The following PARD3B variants were observed in gnomAD, a reference collection of about 807,000 sequenced individuals.
PARD3B encodes the protein partitioning defective 3 homolog B.
Under a neutral mutation model 130.2 loss-of-function variants are expected in PARD3B, and 103 were observed. The observed-to-expected ratio is 0.79, with a 90% CI of 0.67 to 0.93. The LOEUF (loss-of-function observed/expected upper bound fraction) is 0.93. Ranked by LOEUF, PARD3B falls within the 40% of genes least tolerant of loss-of-function variation. PARD3B has a pLI of 0.00. For synonymous variants in PARD3B, 583 were observed against 553.2 expected (o/e 1.05, Z -0.76); for missense variants, 1,609 against 1,499.2 (o/e 1.07, Z -1.21).
Position 205,617,924 on chromosome 2 carries a change from T to C in PARD3B, c.*2111T>C, listed in dbSNP as rs2055486477. 6.6e-6 allele frequency: 1 copy of C among 152,218 alleles called. No individual in the cohort carries two copies. Among genetic ancestry groups the C allele is most frequent in the Non-Finnish European group, 1.5e-5 (1 of 68,036 alleles). 9.4% of individuals were successfully genotyped at this position (152,218 alleles called of 1,614,324 possible). A position where few individuals can be genotyped will look rare whatever the true frequency, so the allele number is the denominator to read the frequency against. ...CATAGCCAAGCCAGAACATTCCTTCTGGATTAAGCCTAGGCCACTTGAGGG... is the reference window on the plus strand; with the variant it reads ...CATAGCCAAGCCAGAACATTCCTTCCGGATTAAGCCTAGGCCACTTGAGGG... On this transcript the variant is annotated 3_prime_UTR_variant, in exon 23 of 23. Coordinates refer to ENST00000406610, the MANE Select transcript of PARD3B (RefSeq NM_001302769.2).
chr2:204,965,471 C>A (rs1447936704), intron 3 of PARD3B, 148 bp downstream of exon 3: 2 of 886,934 alleles, frequency 2.3e-6, no homozygotes, highest in Admixed American at 3.1e-5. Flanking sequence ...TTACATAGCT[C>A]TTTGCAGCCA....
At chr2:205,261,647 T>C (rs2040316406) in intron 16 of PARD3B, among the ~76,000 whole-genome samples, 2 of 152,164 alleles carry the variant, frequency 1.3e-5, no homozygotes, top group South Asian at 4.1e-4. Flanking sequence ...AGAAACCACA[T>C]AATAAAAAGT....
intron 21 of PARD3B, among the ~76,000 whole-genome samples, chr2:205,537,630 A>G (rs1017170454): frequency 2.6e-5 from 4 of 152,118 alleles, no homozygotes; most frequent in African/African-American, 7.2e-5. Flanking sequence ...CGATAGCAAA[A>G]TGGCTGAGGT....
chr2:204,981,194 T>C (rs1575471930), intron 3 of PARD3B, among the ~76,000 whole-genome samples: 1 of 152,146 alleles, frequency 6.6e-6, no homozygotes, highest in African/African-American at 2.4e-5. Flanking sequence ...ACATGTCCTA[T>C]GACTCTGCCA....
chr2:205,503,351 G>A (rs575237441), intron 21 of PARD3B, among the ~76,000 whole-genome samples: 1 of 151,970 alleles, frequency 6.6e-6, no homozygotes, highest in Non-Finnish European at 1.5e-5. Context: ...GAAAACTATA[G>A]AGACATTTTG....
At chr2:205,528,161 AGCCTCT>A (rs1323160997) in intron 21 of PARD3B, among the ~76,000 whole-genome samples, 1 of 152,168 alleles carries the variant, frequency 6.6e-6, no homozygotes, top group Admixed American at 6.5e-5. Context: ...CAGTCACAGT[AGCCTCT>A]CATGAAGCCT....
At position 205,158,814 on chromosome 2, in the gene PARD3B, C is replaced by T. The variant is rs200533572; in HGVS notation, c.1527C>T (p.Leu509=). The T allele has an allele frequency of 2.2e-5, 35 of 1,614,012 alleles. No individual in the cohort carries two copies. The highest frequency in any genetic ancestry group is 1.3e-4 in the East Asian group (6 of 44,894). The change falls in exon 11 of 23, where the codon CTC becomes CTT. Residue 509 remains leucine (L), a synonymous_variant. Coordinates refer to ENST00000406610, the MANE Select transcript of PARD3B (RefSeq NM_001302769.2). This position sits in a 1 kb window ranked among gnomAD's most constrained non-coding sequence, Gnocchi z 5.4. The part of the protein sequence containing the change: ...IPLNDSGSAG[L]GVSLKGNKSR... ...TGAATGATTCAGGTTCTGCTGGCCT[C>T]GGGGTGAGCTTAAAAGGGAACAAAT...
Position 204,866,461 on chromosome 2 carries a change from A to G in PARD3B, c.223-98691A>G, listed in dbSNP as rs539804150. Among the ~76,000 whole-genome samples, 7 of 152,286 alleles carry G rather than the reference A, an allele frequency of 4.6e-5. No individual in the cohort carries two copies. In the South Asian group the frequency reaches 1.5e-3, roughly 32 times the overall value. On this transcript the variant is annotated intron_variant, in intron 2 of 22. Transcript: ENST00000406610. ...GCCATGTTTACATACACAAACAAGT[A>G]TATTTATCCATACATATCTGGGTAA...
intron 21 of PARD3B, among the ~76,000 whole-genome samples, chr2:205,538,303 G>T (rs1166733058): frequency 6.6e-6 from 1 of 152,188 alleles, no homozygotes; most frequent in Non-Finnish European, 1.5e-5. Flanking sequence ...AGAGGAAAAA[G>T]CTTGAACCAA....
intron 21 of PARD3B, among the ~76,000 whole-genome samples, chr2:205,522,554 T>C (rs2051124196): frequency 6.7e-6 from 1 of 150,334 alleles, no homozygotes; most frequent in Non-Finnish European, 1.5e-5. Flanking sequence ...AAATATGTAT[T>C]CTCTAATAAA....
intron 18 of PARD3B, among the ~76,000 whole-genome samples, chr2:205,382,704 C>T (rs2045495474): frequency 6.6e-6 from 1 of 151,966 alleles, no homozygotes; most frequent in South Asian, 2.1e-4. Flanking sequence ...TACTTTCTCC[C>T]ACCACTAATG....
intron 18 of PARD3B, among the ~76,000 whole-genome samples, chr2:205,361,258 T>C (rs916756351): frequency 6.6e-6 from 1 of 152,176 alleles, no homozygotes; most frequent in Non-Finnish European, 1.5e-5. Flanking sequence ...TGGAAAGCCA[T>C]TTATTTTAGG....
intron 2 of PARD3B, among the ~76,000 whole-genome samples, chr2:204,821,731 A>C (rs2043365942): frequency 6.6e-6 from 1 of 152,034 alleles, no homozygotes; most frequent in Admixed American, 6.6e-5. Context: ...AAATAAAAAA[A>C]ATAGAAATGG....
intron 1 of PARD3B, among the ~76,000 whole-genome samples, chr2:204,602,253 A>T (rs1437582349): frequency 6.6e-6 from 1 of 152,034 alleles, no homozygotes; most frequent in African/African-American, 2.4e-5. Context: ...CAAGTATCAG[A>T]TGTTTCATTG....
intron 20 of PARD3B, among the ~76,000 whole-genome samples, chr2:205,467,803 G>A (rs1423766775): frequency 1.3e-5 from 2 of 152,160 alleles, no homozygotes; most frequent in Non-Finnish European, 2.9e-5. Context: ...CCATTTCATG[G>A]TAGTTCCTGA....
chr2:205,472,634 C>T (rs943278508), intron 20 of PARD3B, among the ~76,000 whole-genome samples: 21 of 152,160 alleles, frequency 1.4e-4, no homozygotes, highest in African/African-American at 5.1e-4. Flanking sequence ...ATTCTTAAAA[C>T]TCACTTTATG....
intron 1 of PARD3B, among the ~76,000 whole-genome samples, chr2:204,660,371 G>A (rs1169001982): frequency 6.6e-6 from 1 of 152,010 alleles, no homozygotes; most frequent in African/African-American, 2.4e-5. Flanking sequence ...TTGTCCTCCC[G>A]ACTCCAGCCC....
chr2:205,036,995 C>T (rs894609211), intron 3 of PARD3B, among the ~76,000 whole-genome samples: 4 of 140,094 alleles, frequency 2.9e-5, no homozygotes, highest in South Asian at 2.3e-4. Context: ...ACATATATAG[C>T]GGACTGTATA....
At chr2:205,056,761 C>T (rs1699660885) in intron 4 of PARD3B, among the ~76,000 whole-genome samples, 1 of 151,512 alleles carries the variant, frequency 6.6e-6, no homozygotes, top group African/African-American at 2.4e-5. Context: ...AAAGGAATAT[C>T]CTTTGAAAGG....
Sources: gnomAD v4.1 joint callset for allele counts (sites outside exome capture counted in the v4.1 genomes callset) on GRCh38, gnomAD v4.1.1 for gene constraint, Gnocchi (gnomAD v3.1) non-coding constraint, MANE v1.5 for transcripts, NCBI Gene and HGNC (gene_info 2026-07-23, HGNC 2026-07-21) for gene names.